Variants in KAZN observed in about 807,000 individuals in gnomAD.
KAZN encodes the protein kazrin, periplakin interacting protein.
In KAZN, 40 loss-of-function variants were observed where a neutral mutation model predicts 87.4. The observed-to-expected ratio is 0.46, with a 90% CI of 0.36 to 0.60. The LOEUF is 0.60. Ranked by LOEUF, KAZN falls within the 20% of genes least tolerant of loss-of-function variation. The pLI is 0.00. For synonymous variants in KAZN, 466 were observed against 458.3 expected (o/e 1.02, Z -0.22); for missense variants, 898 against 1,073.9 (o/e 0.84, Z 2.29).
At chr1:14,533,185 C>T (rs1172701816) in intron 2 of KAZN, among the ~76,000 whole-genome samples, 1 of 152,152 alleles carries the variant, frequency 6.6e-6, no homozygotes, top group Non-Finnish European at 1.5e-5. Context: ...CTTAATAATA[C>T]AAAAATTGCC....
At chr1:14,013,610 G>T (rs540660907) in intron 1 of KAZN, among the ~76,000 whole-genome samples, 1 of 152,084 alleles carries the variant, frequency 6.6e-6, no homozygotes, top group Non-Finnish European at 1.5e-5. Context: ...AGAAAGGAAG[G>T]GTTCGATGGA....
chr1:14,210,369 A>G (rs1646829706), intron 2 of KAZN, among the ~76,000 whole-genome samples: 2 of 150,852 alleles, frequency 1.3e-5, no homozygotes, highest in Non-Finnish European at 3.0e-5. Flanking sequence ...AGTCCATTAA[A>G]CCTCTTTTTC....
At chr1:14,372,528 C>A (rs1179313783) in intron 2 of KAZN, among the ~76,000 whole-genome samples, 1 of 152,208 alleles carries the variant, frequency 6.6e-6, no homozygotes, top group Non-Finnish European at 1.5e-5. Flanking sequence ...GTAACACCAA[C>A]CCAGGTGCAA....
At chr1:14,196,991 C>T (rs10928051) in intron 2 of KAZN, among the ~76,000 whole-genome samples, 16,146 of 151,770 alleles carry the variant, frequency 0.11, 1,903 homozygotes, top group African/African-American at 0.28. Flanking sequence ...ATAGATGGGC[C>T]GGAATGAGGA....
At chr1:14,720,145 A>G (rs1010339002) in intron 1 of KAZN, among the ~76,000 whole-genome samples, 1 of 152,212 alleles carries the variant, frequency 6.6e-6, no homozygotes, top group African/African-American at 2.4e-5. Flanking sequence ...AGCTTGTGCC[A>G]CTTGTCAACA....
chr1:14,180,510 A>G (rs900627330), exon 2 of KAZN: 1 of 1,550,426 alleles, frequency 6.4e-7, no homozygotes. Flanking sequence ...CTGGAGGAGG[A>G]CAAAGACCCT....
intron 2 of KAZN, among the ~76,000 whole-genome samples, chr1:14,582,479 C>A (rs916451804): frequency 6.6e-6 from 1 of 152,156 alleles, no homozygotes; most frequent in Admixed American, 6.5e-5. Context: ...CCATCTCACA[C>A]AAACCCTGAT....
chr1:14,092,092 C>CTTTT (rs869248379), intron 1 of KAZN, among the ~76,000 whole-genome samples: 11 of 129,070 alleles, frequency 8.5e-5, no homozygotes, highest in Non-Finnish European at 1.3e-4. Context: ...ATTTTCTTTT[C>CTTTT]TTTTTTTTTT....
chr1:14,910,128 TG>T (rs1657089527), intron 1 of KAZN, among the ~76,000 whole-genome samples: 1 of 152,134 alleles, frequency 6.6e-6, no homozygotes, highest in Non-Finnish European at 1.5e-5. Context: ...AATTAGCCCC[TG>T]GCTCTCCAGA....
At chr1:15,060,406 C>T (rs1291022794) in intron 6 of KAZN, 104 bp downstream of exon 6, 4 of 1,419,850 alleles carry the variant, frequency 2.8e-6, no homozygotes, top group Non-Finnish European at 3.9e-6. Flanking sequence ...TCTCGTCCAC[C>T]CAGGGAGCAC....
Position 14,680,284 on chromosome 1 carries a change from C to T in KAZN, c.226+81061C>T, listed in dbSNP as rs117571822. Among the ~76,000 whole-genome samples the T allele has an allele frequency of 5.9e-5, 9 of 152,166 alleles. No homozygotes were observed. The East Asian group carries it at 1.5e-3, about 26-fold the overall frequency. The stretch of plus-strand genomic sequence containing the variant: ...GGAATCTTTCCCTCATCCTGGAAAA[C>T]GCCTTTGTGCTCCTTCCCAGTCCGT... On this transcript the variant is annotated intron_variant, in intron 1 of 14. Transcript: ENST00000376030.
intron 1 of KAZN, among the ~76,000 whole-genome samples, chr1:14,610,636 G>T (rs530733090): frequency 6.6e-6 from 1 of 151,734 alleles, no homozygotes; most frequent in Non-Finnish European, 1.5e-5. Flanking sequence ...AGAATGTCCT[G>T]TTTATTTCAG....
At chr1:13,970,112 G>C (rs769716967) in intron 1 of KAZN, among the ~76,000 whole-genome samples, 1 of 152,094 alleles carries the variant, frequency 6.6e-6, no homozygotes, top group Non-Finnish European at 1.5e-5. Flanking sequence ...TAGATTCCAG[G>C]AATATCTAAT....
intron 1 of KAZN, among the ~76,000 whole-genome samples, chr1:14,848,344 G>A (rs534867490): frequency 7.4e-4 from 113 of 152,310 alleles, no homozygotes; most frequent in African/African-American, 2.6e-3. Flanking sequence ...CTCTGATCTG[G>A]TCTCAGCCTG....
chr1:14,811,461 TA>T (rs1288828009), intron 1 of KAZN, among the ~76,000 whole-genome samples: 2 of 152,246 alleles, frequency 1.3e-5, no homozygotes, highest in Non-Finnish European at 2.9e-5. Flanking sequence ...TTAAAACAAT[TA>T]AATGCCTTGT....
chr1:14,159,147 A>T (rs1183980471), intron 1 of KAZN, among the ~76,000 whole-genome samples: 1 of 152,084 alleles, frequency 6.6e-6, no homozygotes, highest in African/African-American at 2.4e-5. Context: ...GGACTCTACA[A>T]TCTGAAGATA....
At chr1:14,306,857 T>C (rs1172557569) in intron 2 of KAZN, among the ~76,000 whole-genome samples, 1 of 152,216 alleles carries the variant, frequency 6.6e-6, no homozygotes, top group Non-Finnish European at 1.5e-5. Context: ...AAGTTCATTC[T>C]TTAAAAGACA....
At chr1:14,382,715 T>G (rs1661484866) in intron 2 of KAZN, among the ~76,000 whole-genome samples, 1 of 147,348 alleles carries the variant, frequency 6.8e-6, no homozygotes. Context: ...ATCCAGTCTA[T>G]CGTTGTTGGA....
chr1:13,904,723 A>G (rs1639373491), intron 1 of KAZN, among the ~76,000 whole-genome samples: 1 of 152,134 alleles, frequency 6.6e-6, no homozygotes, highest in African/African-American at 2.4e-5. Flanking sequence ...GTTTCACTAC[A>G]GTGTAGCTAG....
Sources: gnomAD v4.1 joint callset for allele counts (sites outside exome capture counted in the v4.1 genomes callset) on GRCh38, gnomAD v4.1.1 for gene constraint, MANE v1.5 for transcripts, NCBI Gene and HGNC (gene_info 2026-07-23, HGNC 2026-07-21) for gene names.